Variants in SBF2 observed in about 807,000 individuals in gnomAD.
SBF2 encodes SET binding factor 2.
A neutral mutation model predicts 225.2 loss-of-function variants in SBF2; 112 were observed. The observed-to-expected ratio is 0.50, with a 90% confidence interval of 0.43 to 0.58. The LOEUF is 0.58. Among genes scored for constraint, SBF2 ranks in the 20% least tolerant of loss-of-function variants. SBF2 has a pLI of 0.00. For missense variants in SBF2, 1,996 were observed against 2,206.2 expected (o/e 0.90, Z 1.91); for synonymous variants, 763 against 773.3 (o/e 0.99, Z 0.22).
At chr11:10,013,493 A>G (rs768886905) in intron 6 of SBF2, among the ~76,000 whole-genome samples, 4 of 152,188 alleles carry the variant, frequency 2.6e-5, no homozygotes, top group Non-Finnish European at 4.4e-5. Flanking sequence ...CTTTTGGTCA[A>G]TTTCCAGAGC....
intron 16 of SBF2, among the ~76,000 whole-genome samples, chr11:9,904,315 T>C (rs1249907144): frequency 6.6e-6 from 1 of 152,058 alleles, no homozygotes; most frequent in East Asian, 1.9e-4. Context: ...ATAATCAGAA[T>C]ATAAAATACT....
intron 28 of SBF2, among the ~76,000 whole-genome samples, chr11:9,827,832 G>T (rs1300779935): frequency 6.6e-6 from 1 of 152,102 alleles, no homozygotes; most frequent in Admixed American, 6.5e-5. Context: ...TGCAAATCTG[G>T]AGTATCAGGG....
intron 3 of SBF2, among the ~76,000 whole-genome samples, chr11:10,041,545 T>A (rs770644115): frequency 1.8e-4 from 27 of 152,198 alleles, no homozygotes; most frequent in Non-Finnish European, 3.4e-4. Flanking sequence ...GCATGTTTTG[T>A]TCTATATGCA....
At chr11:10,154,065 A>G (rs1371124380) in intron 2 of SBF2, among the ~76,000 whole-genome samples, 4 of 152,088 alleles carry the variant, frequency 2.6e-5, no homozygotes, top group African/African-American at 9.6e-5. Context: ...GTATTAAACT[A>G]TTTTAATCAT....
intron 17 of SBF2, among the ~76,000 whole-genome samples, chr11:9,861,039 G>T (rs1038394097): frequency 6.6e-6 from 1 of 152,178 alleles, no homozygotes; most frequent in Non-Finnish European, 1.5e-5. Context: ...TCCCTTATCT[G>T]AAATACTTGG....
chr11:9,847,125 A>G lies in SBF2; in HGVS notation c.2807-42T>C, dbSNP rs770619921. 1.9e-6 allele frequency: 3 copies of G among 1,612,616 alleles called. No homozygotes were observed. The African/African-American group carries it at 4.0e-5, about 22-fold the overall frequency. Reference sequence around the variant, plus strand: ...CACAGCTTCAGCAACAACACTTTATAGCTCACTTTTAGAGTGTCTACTGCT... The same window carrying G: ...CACAGCTTCAGCAACAACACTTTATGGCTCACTTTTAGAGTGTCTACTGCT... On this transcript the variant is annotated intron_variant, in intron 22 of 39. Transcript: ENST00000256190.
At chr11:9,956,840 G>T (rs927712356) in intron 16 of SBF2, 2 of 152,048 alleles carry the variant, frequency 1.3e-5, no homozygotes, top group African/African-American at 4.8e-5. Flanking sequence ...CAAAAGAATG[G>T]AATATTTCAC....
At chr11:10,223,744 T>A (rs532128682) in intron 1 of SBF2, among the ~76,000 whole-genome samples, 1 of 152,094 alleles carries the variant, frequency 6.6e-6, no homozygotes, top group African/African-American at 2.4e-5. Flanking sequence ...CTAAACATGA[T>A]GAAAAATAAT....
In SBF2 at chr11:9,999,464, G is replaced by A. The variant is rs187285289; in HGVS notation, c.862-1085C>T. On this transcript the variant is annotated intron_variant, in intron 8 of 39. Coordinates refer to ENST00000256190, the MANE Select transcript of SBF2 (RefSeq NM_030962.4). Reference sequence around the variant, plus strand: ...CCCTCCTGAGTAGCTGGGATTACAGGCATGCACCACCACACCCAGCTAATT... The same window carrying A: ...CCCTCCTGAGTAGCTGGGATTACAGACATGCACCACCACACCCAGCTAATT... Among the ~76,000 whole-genome samples, 640 of 152,172 alleles carry A rather than the reference G, an allele frequency of 4.2e-3. 3 individuals carry two copies. The highest frequency in any genetic ancestry group is 0.015 in the African/African-American group (606 of 41,512).
At chr11:10,063,856 C>CAGAGAGAGAG (rs1487944368) in intron 2 of SBF2, among the ~76,000 whole-genome samples, 103 of 125,674 alleles carry the variant, frequency 8.2e-4, no homozygotes, top group African/African-American at 2.6e-3. Context: ...CACACACACA[C>CAGAGAGAGAG]ACAGAGAGAG....
chr11:10,155,676 TCTAC>T (rs1955440998), intron 2 of SBF2, among the ~76,000 whole-genome samples: 1 of 152,232 alleles, frequency 6.6e-6, no homozygotes, highest in Admixed American at 6.5e-5. Context: ...AATTTTCAAC[TCTAC>T]CTTATTCTAA....
chr11:10,056,951 C>T (rs1373812615), intron 2 of SBF2, among the ~76,000 whole-genome samples: 2 of 151,962 alleles, frequency 1.3e-5, no homozygotes, highest in African/African-American at 4.8e-5. Context: ...GTTCCAATCC[C>T]GTTCCTCCTC....
chr11:10,252,572 G>A (rs1353147354), intron 1 of SBF2, among the ~76,000 whole-genome samples: 1 of 152,228 alleles, frequency 6.6e-6, no homozygotes, highest in Non-Finnish European at 1.5e-5. Flanking sequence ...GGGAGGCCAA[G>A]GCGGGCAGAT....
rs374047187 is a variant in SBF2, at chr11:10,026,030, G to GT, written c.619+2421dup. 8.2e-3 allele frequency among the ~76,000 whole-genome samples: 1,181 copies of GT among 144,558 alleles called. 3 individuals carry two copies. Among genetic ancestry groups the GT allele is most frequent in the East Asian group, 0.011 (55 of 4,972 alleles). The allele number at this position is 144,558 out of a possible 152,430, so 94.8% of individuals were successfully genotyped here. The stretch of plus-strand genomic sequence containing the variant: ...AGAAATTTATACTTTATCTACAGTA[G>GT]TTTTTTTTTTTTTTCCAGTGGGAAT... On this transcript the variant is annotated intron_variant, in intron 6 of 39. Coordinates refer to ENST00000256190, the MANE Select transcript of SBF2 (RefSeq NM_030962.4).
intron 3 of SBF2, 23 bp from the exon 4 acceptor site, chr11:10,031,193 C>T: frequency 6.2e-7 from 1 of 1,611,972 alleles, no homozygotes; most frequent in Non-Finnish European, 8.5e-7. Flanking sequence ...ACACTGAAAT[C>T]AACAAACAGA....
Position 10,188,407 on chromosome 11 carries a change from T to C in SBF2, c.141+5495A>G, listed in dbSNP as rs1247290080. 2.0e-5 allele frequency among the ~76,000 whole-genome samples: 3 copies of C among 152,202 alleles called. No homozygotes were observed. In the East Asian group the frequency reaches 5.8e-4, roughly 29 times the overall value. On this transcript the variant is annotated intron_variant, in intron 2 of 39. Coordinates refer to ENST00000256190, the MANE Select transcript of SBF2 (RefSeq NM_030962.4). ...ACACAGATGTAGTGGGTCAGGCCTG[T>C]GTAGCTCTACATCTTCCTCAGGAAG...
intron 16 of SBF2, among the ~76,000 whole-genome samples, chr11:9,938,721 C>T (rs1865059458): frequency 6.6e-6 from 1 of 151,942 alleles, no homozygotes; most frequent in Non-Finnish European, 1.5e-5. Context: ...CTGGATATTT[C>T]TAATATACTG....
At chr11:10,254,961 C>G (rs1377917044) in intron 1 of SBF2, among the ~76,000 whole-genome samples, 2 of 111,704 alleles carry the variant, frequency 1.8e-5, no homozygotes, top group African/African-American at 7.0e-5. Context: ...TCAAAAACAT[C>G]AATGAACCTG....
At chr11:10,085,191 C>T (rs1467878995) in intron 2 of SBF2, among the ~76,000 whole-genome samples, 1 of 152,098 alleles carries the variant, frequency 6.6e-6, no homozygotes, top group African/African-American at 2.4e-5. Context: ...TTCAAATGTC[C>T]AGTTTCTTGA....
Sources: allele counts gnomAD v4.1 joint callset (sites outside exome capture counted in the v4.1 genomes callset), GRCh38; gene constraint gnomAD v4.1.1; transcripts MANE v1.5; gene names NCBI Gene and HGNC (gene_info 2026-07-23, HGNC 2026-07-21).